PRDM16: variants seen among roughly 807,000 people sequenced by gnomAD.
PRDM16 encodes the protein histone-lysine N-methyltransferase PRDM16.
In PRDM16, 23 loss-of-function variants were observed where a neutral mutation model predicts 110.6. The ratio of observed to expected loss-of-function variants is 0.21; its 90% CI spans 0.15 to 0.29. PRDM16 has a LOEUF of 0.29. PRDM16 is among the 10% of genes least tolerant of loss of function. PRDM16 has a pLI of 1.00. For synonymous variants in PRDM16, 799 were observed against 781.8 expected, an observed-to-expected ratio of 1.02 and a Z score of -0.37; for missense variants, 1,615 against 1,794.3, an observed-to-expected ratio of 0.90 and a Z score of 1.81.
At chr1:3,338,082 CGTG>C (rs1416081179) in intron 3 of PRDM16, among the ~76,000 whole-genome samples, 3 of 152,324 alleles carry the variant, frequency 2.0e-5, no homozygotes, top group African/African-American at 7.2e-5. Flanking sequence ...CATGCACACA[CGTG>C]TGCACACACA....
At chr1:3,323,613 G>C (rs893750186) in intron 3 of PRDM16, among the ~76,000 whole-genome samples, 3 of 152,238 alleles carry the variant, frequency 2.0e-5, no homozygotes, top group Admixed American at 6.5e-5. Flanking sequence ...GGAACCCCCA[G>C]CTCCCGCCTG....
At chr1:3,088,536 G>T (rs923544831) in intron 1 of PRDM16, among the ~76,000 whole-genome samples, 8 of 149,768 alleles carry the variant, frequency 5.3e-5, no homozygotes, top group Admixed American at 5.3e-4. Context: ...CGCGATCTCA[G>T]CTCACTGCAA....
intron 3 of PRDM16, among the ~76,000 whole-genome samples, chr1:3,267,410 C>A (rs973458184): frequency 6.6e-6 from 1 of 152,186 alleles, no homozygotes; most frequent in African/African-American, 2.4e-5. Flanking sequence ...TCTATCCACT[C>A]GTCCCTGACC....
chr1:3,419,212 C>A (rs1638359713), intron 12 of PRDM16, among the ~76,000 whole-genome samples: 1 of 152,182 alleles, frequency 6.6e-6, no homozygotes, highest in African/African-American at 2.4e-5. Flanking sequence ...AGACTCCGTG[C>A]AAATGCGGGT....
At chr1:3,140,500 G>A (rs1409735163) in intron 1 of PRDM16, among the ~76,000 whole-genome samples, 1 of 152,032 alleles carries the variant, frequency 6.6e-6, no homozygotes, top group Admixed American at 6.5e-5. Flanking sequence ...AACCGGCCCC[G>A]ACCATGGTTT....
At chr1:3,291,703 G>T (rs563843918) in intron 3 of PRDM16, among the ~76,000 whole-genome samples, 1 of 152,394 alleles carries the variant, frequency 6.6e-6, no homozygotes, top group South Asian at 2.1e-4. Flanking sequence ...GCTCTTGGCA[G>T]TGCGGGGGAG....
intron 3 of PRDM16, among the ~76,000 whole-genome samples, chr1:3,249,723 G>A (rs1639882086): frequency 6.6e-6 from 1 of 152,228 alleles, no homozygotes; most frequent in African/African-American, 2.4e-5. Context: ...CTTCGTCGCA[G>A]TAAGCCGCGG....
chr1:3,288,982 G>A (rs796245295), intron 3 of PRDM16, among the ~76,000 whole-genome samples: 2 of 152,182 alleles, frequency 1.3e-5, no homozygotes, highest in African/African-American at 4.8e-5. Flanking sequence ...ATCCTTGCGT[G>A]CTCACCACCT....
intron 2 of PRDM16, among the ~76,000 whole-genome samples, chr1:3,199,034 C>A (rs1327726317): frequency 1.3e-5 from 2 of 152,132 alleles, no homozygotes; most frequent in Admixed American, 1.3e-4. Context: ...TGACCTTTTA[C>A]AAGTAGAAGC....
Position 3,339,073 on chromosome 1 carries a change from G to A in PRDM16, c.439-46079G>A, listed in dbSNP as rs538866404. Among the ~76,000 whole-genome samples, 39 of 152,240 alleles carry A rather than the reference G, an allele frequency of 2.6e-4. No individual in the cohort carries two copies. Among genetic ancestry groups the A allele is most frequent in the African/African-American group, 8.7e-4 (36 of 41,540 alleles). ...CTGGGGAGAGTTGCAGCTTCAAGGCGATCGATGGGGAGCTTCCGTGCACTC... is the reference window on the plus strand; with the variant it reads ...CTGGGGAGAGTTGCAGCTTCAAGGCAATCGATGGGGAGCTTCCGTGCACTC... On this transcript the variant is annotated intron_variant, in intron 3 of 16. Coordinates refer to ENST00000270722, the MANE Select transcript of PRDM16 (RefSeq NM_022114.4). This position sits in a 1 kb window ranked among gnomAD's most constrained non-coding sequence, Gnocchi z 5.0.
intron 3 of PRDM16, among the ~76,000 whole-genome samples, chr1:3,313,721 C>T (rs891467359): frequency 6.6e-6 from 1 of 152,230 alleles, no homozygotes; most frequent in East Asian, 1.9e-4. Flanking sequence ...AGGCAAACCT[C>T]GCCGCCTCCT....
chr1:3,075,994 C>T (rs531150339), intron 1 of PRDM16, among the ~76,000 whole-genome samples: 2 of 152,326 alleles, frequency 1.3e-5, no homozygotes, highest in South Asian at 4.1e-4. Context: ...GCCAAGCCCC[C>T]CACGCGTGGG....
chr1:3,099,175 G>A (rs1642475646), intron 1 of PRDM16, among the ~76,000 whole-genome samples: 1 of 152,214 alleles, frequency 6.6e-6, no homozygotes, highest in South Asian at 2.1e-4. Context: ...CTGGGGTGCT[G>A]GACCCAGGTT....
intron 16 of PRDM16, 141 bp from the exon 17 acceptor site, chr1:3,433,532 GGGAT>G: frequency 2.7e-6 from 1 of 373,704 alleles, no homozygotes; most frequent in South Asian, 2.7e-5. Flanking sequence ...CTGCCTGTCT[GGGAT>G]GGCCCGCCCT....
chr1:3,090,560 C>T (rs1330765802), intron 1 of PRDM16, among the ~76,000 whole-genome samples: 1 of 152,256 alleles, frequency 6.6e-6, no homozygotes, highest in Non-Finnish European at 1.5e-5. Context: ...CCTGTGCTCT[C>T]TCCAGGTGTG....
At chr1:3,333,668 G>A (rs745430974) in intron 3 of PRDM16, among the ~76,000 whole-genome samples, 7 of 152,158 alleles carry the variant, frequency 4.6e-5, no homozygotes, top group Non-Finnish European at 7.3e-5. Context: ...TTGGATGTGC[G>A]TCCCCTCCAA....
At chr1:3,356,675 ACT>A (rs1479169332) in intron 3 of PRDM16, among the ~76,000 whole-genome samples, 1 of 152,192 alleles carries the variant, frequency 6.6e-6, no homozygotes, top group Non-Finnish European at 1.5e-5. Context: ...AGGAGGAGGC[ACT>A]GTCTCTAAAC....
chr1:3,168,746 C>A (rs539453584), intron 1 of PRDM16, among the ~76,000 whole-genome samples: 4 of 152,292 alleles, frequency 2.6e-5, no homozygotes, highest in South Asian at 4.2e-4. Context: ...AGTGGGGGCC[C>A]GTGTTTCCCG....
chr1:3,279,863 G>A (rs1031625226), intron 3 of PRDM16, among the ~76,000 whole-genome samples: 1 of 110,734 alleles, frequency 9.0e-6, no homozygotes, highest in East Asian at 2.9e-4. Flanking sequence ...TGGACAGGCG[G>A]CCCCTCCTCC....
Sources: gnomAD v4.1 joint callset for allele counts (sites outside exome capture counted in the v4.1 genomes callset) on GRCh38, gnomAD v4.1.1 for gene constraint, Gnocchi (gnomAD v3.1) non-coding constraint, MANE v1.5 for transcripts, NCBI Gene and HGNC (gene_info 2026-07-23, HGNC 2026-07-21) for gene names.